Variants in PLCL2 observed in about 807,000 individuals in gnomAD.
PLCL2 encodes the protein phospholipase C like 2.
A neutral mutation model predicts 79.6 loss-of-function variants in PLCL2; 4 were observed. The ratio of observed to expected loss-of-function variants is 0.05; its 90% CI spans 0.02 to 0.11. PLCL2 has a LOEUF of 0.11. Ranked by LOEUF, PLCL2 falls within the 10% of genes least tolerant of loss-of-function variation. The probability of loss-of-function intolerance (pLI) is 1.00; values close to 1 mark genes in which losing one functional copy is unlikely to be tolerated. For synonymous variants in PLCL2, 484 were observed against 457.7 expected, an observed-to-expected ratio of 1.06 and a Z score of -0.73; for missense variants, 895 against 1,291.0, an observed-to-expected ratio of 0.69 and a Z score of 4.70.
intron 1 of PLCL2, among the ~76,000 whole-genome samples, chr3:16,957,056 C>T (rs1241188545): frequency 6.6e-6 from 1 of 152,038 alleles, no homozygotes; most frequent in East Asian, 1.9e-4. Flanking sequence ...TTAGTTGTTT[C>T]TTGTCTTCTG....
intron 1 of PLCL2, among the ~76,000 whole-genome samples, chr3:16,980,468 C>G (rs1456832773): frequency 1.3e-5 from 2 of 150,494 alleles, no homozygotes; most frequent in Non-Finnish European, 3.0e-5. Context: ...ACGGGGCGGC[C>G]GGGCAGAGAC....
intron 3 of PLCL2, among the ~76,000 whole-genome samples, chr3:17,019,682 G>A (rs1181154055): frequency 6.6e-6 from 1 of 152,036 alleles, no homozygotes; most frequent in African/African-American, 2.4e-5. Flanking sequence ...ATATTAAAAG[G>A]CAGATTTAAT....
intron 5 of PLCL2, among the ~76,000 whole-genome samples, chr3:17,071,865 C>T (rs1038853150): frequency 6.6e-6 from 1 of 151,354 alleles, no homozygotes; most frequent in Non-Finnish European, 1.5e-5. Context: ...CTCACTCTGT[C>T]ACCCAGGCTG....
intron 5 of PLCL2, among the ~76,000 whole-genome samples, chr3:17,070,508 T>A (rs1258122972): frequency 6.6e-6 from 1 of 152,184 alleles, no homozygotes. Flanking sequence ...TCCAGGATAA[T>A]ATTTGCTACA....
At chr3:16,891,413 C>T (rs150597318) in intron 1 of PLCL2, among the ~76,000 whole-genome samples, 2 of 152,304 alleles carry the variant, frequency 1.3e-5, no homozygotes, top group East Asian at 3.9e-4. Flanking sequence ...GAGAGGTGAG[C>T]AGACTAACAT....
chr3:16,911,937 T>C (rs891716275), intron 1 of PLCL2, among the ~76,000 whole-genome samples: 2 of 152,210 alleles, frequency 1.3e-5, no homozygotes, highest in Admixed American at 1.3e-4. Context: ...CAATATTGTA[T>C]AAAATTACCT....
chr3:16,947,132 T>G (rs34126040), intron 1 of PLCL2, among the ~76,000 whole-genome samples: 1 of 150,506 alleles, frequency 6.6e-6, no homozygotes, highest in Non-Finnish European at 1.5e-5. Flanking sequence ...ATTTTATTTT[T>G]TTTTTTTTAG....
rs187109435 is a variant in PLCL2, at chr3:16,893,067, T to C, written c.327+7701T>C. Among the ~76,000 whole-genome samples the C allele has an allele frequency of 4.1e-3, 619 of 152,328 alleles. 2 individuals carry two copies. Among genetic ancestry groups the C allele is most frequent in the African/African-American group, 0.014 (593 of 41,580 alleles). On this transcript the variant is annotated intron_variant, in intron 1 of 5. Coordinates refer to ENST00000615277, the MANE Select transcript of PLCL2 (RefSeq NM_001144382.2). ...TTTTTAATGAGAAAAGTTTGGCTTT[T>C]TGTGGCTGAATCTTATGATGAAACC...
intron 1 of PLCL2, among the ~76,000 whole-genome samples, chr3:16,914,840 C>T (rs1246870831): frequency 2.6e-5 from 4 of 152,116 alleles, no homozygotes; most frequent in African/African-American, 9.6e-5. Flanking sequence ...AGTGACCCTC[C>T]CTCCTCAGCC....
chr3:17,041,281 T>G (rs1411450759), intron 3 of PLCL2, among the ~76,000 whole-genome samples: 1 of 152,188 alleles, frequency 6.6e-6, no homozygotes, highest in Non-Finnish European at 1.5e-5. Context: ...AACTCTGCCA[T>G]AGGCTGTGGA....
intron 3 of PLCL2, among the ~76,000 whole-genome samples, chr3:17,031,959 A>G (rs1460697656): frequency 1.3e-4 from 8 of 62,324 alleles, no homozygotes; most frequent in Non-Finnish European, 1.6e-4. Context: ...TGCTTTTCCT[A>G]TGAATATCAA....
intron 4 of PLCL2, chr3:17,044,098 G>A (rs1454769115): frequency 1.3e-5 from 2 of 152,382 alleles, no homozygotes; most frequent in African/African-American, 2.4e-5. Context: ...AGGCACTGGG[G>A]AGACATTGGT....
At chr3:17,085,213 C>T (rs62248162) in intron 5 of PLCL2, among the ~76,000 whole-genome samples, 22,787 of 151,916 alleles carry the variant, frequency 0.15, 2,375 homozygotes, top group East Asian at 0.47. Flanking sequence ...TGGCTCACTG[C>T]AGCCTTGACT....
At chr3:16,926,554 CTG>C (rs1343279467) in intron 1 of PLCL2, among the ~76,000 whole-genome samples, 3 of 152,110 alleles carry the variant, frequency 2.0e-5, no homozygotes, top group African/African-American at 7.2e-5. Flanking sequence ...AAAATACTCT[CTG>C]AAACTACTTA....
intron 1 of PLCL2, among the ~76,000 whole-genome samples, chr3:16,927,761 T>A (rs1697291182): frequency 6.8e-6 from 1 of 146,646 alleles, no homozygotes; most frequent in Non-Finnish European, 1.6e-5. Flanking sequence ...ACCACTGATC[T>A]GGGGTTTGCC....
intron 3 of PLCL2, among the ~76,000 whole-genome samples, chr3:17,038,225 G>A (rs1369994575): frequency 6.6e-6 from 1 of 152,112 alleles, no homozygotes; most frequent in Admixed American, 6.6e-5. Context: ...AATGTAGGAG[G>A]TACTGGTAAC....
chr3:16,970,050 A>ATT (rs1409977206), intron 1 of PLCL2, among the ~76,000 whole-genome samples: 1 of 138,396 alleles, frequency 7.2e-6, no homozygotes, highest in African/African-American at 2.6e-5. Flanking sequence ...ATATATATAT[A>ATT]TATATATATT....
At chr3:17,080,272 G>A (rs760785399) in intron 5 of PLCL2, among the ~76,000 whole-genome samples, 43 of 152,120 alleles carry the variant, frequency 2.8e-4, no homozygotes, top group Non-Finnish European at 4.4e-4. Context: ...TTTTTCAACC[G>A]TAAGGTTTAC....
intron 1 of PLCL2, among the ~76,000 whole-genome samples, chr3:16,903,592 G>T (rs2124922885): frequency 6.6e-6 from 1 of 152,314 alleles, no homozygotes; most frequent in East Asian, 1.9e-4. Context: ...CAAGGTTCTT[G>T]CCAGTGAAAG....
Sources: gnomAD v4.1 joint callset for allele counts (sites outside exome capture counted in the v4.1 genomes callset) on GRCh38, gnomAD v4.1.1 for gene constraint, MANE v1.5 for transcripts, NCBI Gene and HGNC (gene_info 2026-07-23, HGNC 2026-07-21) for gene names.